Variants in KALRN observed in about 807,000 individuals in gnomAD.
KALRN encodes kalirin RhoGEF kinase, also known as kalirin.
KALRN carries 70 observed loss-of-function variants against 353.7 expected under a neutral mutation model. That is an observed-to-expected ratio of 0.20 (90% CI 0.16 to 0.24). The LOEUF is 0.24. Ranked by LOEUF, KALRN falls within the 10% of genes least tolerant of loss-of-function variation. The pLI is 1.00. For synonymous variants in KALRN, 1,391 were observed against 1,434.8 expected (o/e 0.97, Z 0.69); for missense variants, 2,791 against 3,756.7 (o/e 0.74, Z 6.72).
intron 5 of KALRN, among the ~76,000 whole-genome samples, chr3:124,283,113 G>C (rs1364025296): frequency 6.6e-6 from 1 of 152,224 alleles, no homozygotes; most frequent in Admixed American, 6.5e-5. Context: ...GTGGAGCTTT[G>C]TTCCCAGATG....
chr3:124,422,729 C>T lies in KALRN; in HGVS notation c.2543-83C>T, dbSNP rs796965705. On this transcript the variant is annotated intron_variant, in intron 14 of 59. Transcript: ENST00000682506. Reference sequence around the variant, plus strand: ...TATGAATAATGGCTGTTTCCAAATTCCAGTTTTCTTATGCATATTGAAGGG... The same window carrying T: ...TATGAATAATGGCTGTTTCCAAATTTCAGTTTTCTTATGCATATTGAAGGG... The T allele has an allele frequency of 5.2e-6, 6 of 1,149,878 alleles. 1 individual carries two copies. In the African/African-American group the frequency reaches 9.2e-5, roughly 18 times the overall value. 71.2% of individuals were successfully genotyped at this position (1,149,878 alleles called of 1,614,324 possible). A position where few individuals can be genotyped will look rare whatever the true frequency, so the allele number is the denominator to read the frequency against.
In KALRN at chr3:124,661,892, T is replaced by C. The variant is rs746851048; in HGVS notation, c.6309T>C (p.Asn2103=). The C allele has an allele frequency of 6.2e-7, 1 of 1,614,050 alleles. No homozygotes were observed. The highest frequency in any genetic ancestry group is 1.3e-5 in the African/African-American group (1 of 74,936). ...ELMCLVPKRC[N]DMMNLGRLQG... ...TGTGCCTTGTTCCCAAACGCTGCAA[T>C]GACATGATGAATCTAGGACGTCTGC... The change falls in exon 45 of 60, where the codon AAT becomes AAC. Residue 2103 remains asparagine (N), a synonymous_variant. Transcript: ENST00000682506.
At chr3:124,526,871 C>T (rs144345254) in intron 33 of KALRN, among the ~76,000 whole-genome samples, 20 of 152,248 alleles carry the variant, frequency 1.3e-4, no homozygotes, top group Admixed American at 3.9e-4. Flanking sequence ...TCAAGAAGTA[C>T]TGGGTATCCA....
chr3:124,194,973 G>C (rs1397048396), intron 1 of KALRN, among the ~76,000 whole-genome samples: 1 of 152,164 alleles, frequency 6.6e-6, no homozygotes, highest in Admixed American at 6.5e-5. Flanking sequence ...GTAGGTATAG[G>C]GGGGATGGGA....
chr3:124,325,176 G>T (rs899384568), intron 6 of KALRN, among the ~76,000 whole-genome samples: 18 of 152,206 alleles, frequency 1.2e-4, no homozygotes, highest in African/African-American at 4.3e-4. Flanking sequence ...AGATGGGAAT[G>T]AATGTAAACA....
chr3:124,115,362 G>A (rs2063358075), intron 1 of KALRN, among the ~76,000 whole-genome samples: 1 of 152,160 alleles, frequency 6.6e-6, no homozygotes, highest in African/African-American at 2.4e-5. Flanking sequence ...TTTGGCTGAG[G>A]TCACTTAGCA....
At chr3:124,205,764 A>G (rs2076358806) in intron 1 of KALRN, among the ~76,000 whole-genome samples, 2 of 152,218 alleles carry the variant, frequency 1.3e-5, no homozygotes, top group Admixed American at 1.3e-4. Flanking sequence ...TCTAAAATTT[A>G]CCTGATACTT....
At position 124,268,889 on chromosome 3, in the gene KALRN, C is replaced by T. The variant is rs1342501689; in HGVS notation, c.603C>T (p.His201=). The change falls in exon 5 of 60, where the codon CAC becomes CAT. Residue 201 remains histidine, a synonymous_variant. Transcript: ENST00000682506. The part of the protein sequence containing the change: ...SLEEFFNSAV[H]LLSRLEDLQE... ...AGGAGTTCTTCAACAGCGCCGTGCACCTGCTCTCGCGCCTCGAGGACCTCC... is the reference window on the plus strand; with the variant it reads ...AGGAGTTCTTCAACAGCGCCGTGCATCTGCTCTCGCGCCTCGAGGACCTCC... The T allele has an allele frequency of 6.2e-7, 1 of 1,614,096 alleles. No individual in the cohort carries two copies. The highest frequency in any genetic ancestry group is 8.5e-7 in the Non-Finnish European group (1 of 1,180,008).
intron 1 of KALRN, among the ~76,000 whole-genome samples, chr3:124,146,534 A>G (rs531666601): frequency 2.0e-5 from 3 of 152,112 alleles, no homozygotes; most frequent in Non-Finnish European, 4.4e-5. Flanking sequence ...CTGGCAGGCT[A>G]GAGAGGTACT....
At chr3:124,238,236 A>T (rs999056790) in intron 3 of KALRN, among the ~76,000 whole-genome samples, 4 of 126,636 alleles carry the variant, frequency 3.2e-5, no homozygotes, top group African/African-American at 1.5e-4. Flanking sequence ...GAAGATGAAG[A>T]AAAAAAAACA....
In KALRN at chr3:124,398,689, T is replaced by A; in HGVS notation, c.2172-8T>A. ...CTCCCTCCCTTTTTTCTCCCCACTC[T>A]GCCACAGGGACTCGGCTGTGTCCAA... On this transcript the variant is annotated splice_polypyrimidine_tract_variant and splice_region_variant and intron_variant, in intron 12 of 59. Coordinates refer to ENST00000682506, the MANE Select transcript of KALRN (RefSeq NM_001388419.1). 6.2e-7 allele frequency: 1 copy of A among 1,614,104 alleles called. No individual in the cohort carries two copies.
chr3:124,260,101 C>T (rs1166272793), intron 3 of KALRN, among the ~76,000 whole-genome samples: 5 of 152,292 alleles, frequency 3.3e-5, no homozygotes, highest in South Asian at 2.1e-4. Context: ...ACTCCAGTCT[C>T]GTCTCTTGCA....
intron 33 of KALRN, among the ~76,000 whole-genome samples, chr3:124,513,906 T>C (rs138460451): frequency 6.6e-5 from 10 of 152,128 alleles, no homozygotes; most frequent in African/African-American, 1.9e-4. Flanking sequence ...AACCTCCTTA[T>C]AGAATTTGGG....
At chr3:124,116,614 C>A (rs543624304) in intron 1 of KALRN, among the ~76,000 whole-genome samples, 1 of 152,142 alleles carries the variant, frequency 6.6e-6, no homozygotes, top group Non-Finnish European at 1.5e-5. Context: ...GAGGGGGATA[C>A]GTTCCAAGAT....
chr3:124,098,153 A>G lies in KALRN; in HGVS notation c.73+64340A>G, dbSNP rs73857596. 9.5e-3 allele frequency among the ~76,000 whole-genome samples: 1,443 copies of G among 152,334 alleles called. 23 individuals carry two copies. Among genetic ancestry groups the G allele is most frequent in the African/African-American group, 0.033 (1,363 of 41,566 alleles). On this transcript the variant is annotated intron_variant, in intron 1 of 59. Coordinates refer to ENST00000682506, the MANE Select transcript of KALRN (RefSeq NM_001388419.1). ...TGAAAGACTGCTGCTCTTTATTCAC[A>G]GAGCATCAGGCAGTGTTTCCCAGCA... is the stretch of plus-strand genomic sequence containing the variant.
intron 1 of KALRN, among the ~76,000 whole-genome samples, chr3:124,034,254 C>T (rs2039191304): frequency 6.6e-6 from 1 of 152,156 alleles, no homozygotes. Flanking sequence ...GTCGGGGGCC[C>T]GGGGCCCTGA....
At chr3:124,312,455 C>G (rs1298718958) in intron 6 of KALRN, among the ~76,000 whole-genome samples, 1 of 152,122 alleles carries the variant, frequency 6.6e-6, no homozygotes, top group Non-Finnish European at 1.5e-5. Flanking sequence ...GCCACTGCGC[C>G]CAGTCTGAAT....
rs565819921 is a variant in KALRN, at chr3:124,717,440, A to C, written c.8415+55A>C. 12 of 1,380,106 alleles carry C rather than the reference A, an allele frequency of 8.7e-6. No homozygotes were observed. In the African/African-American group the frequency reaches 1.6e-4, roughly 18 times the overall value. 85.5% of individuals were successfully genotyped at this position (1,380,106 alleles called of 1,614,324 possible). A position where few individuals can be genotyped will look rare whatever the true frequency, so the allele number is the denominator to read the frequency against. ...AGTGGCTCACGCCTGAAATCCCAGCACTTTGGGAGGCCAAGGTGGGCGGAT... is the reference window on the plus strand; with the variant it reads ...AGTGGCTCACGCCTGAAATCCCAGCCCTTTGGGAGGCCAAGGTGGGCGGAT... On this transcript the variant is annotated intron_variant, in intron 59 of 59. Transcript: ENST00000682506.
In KALRN at chr3:124,596,185, GAA is replaced by G. The variant is rs5852417; in HGVS notation, c.5182+33110_5182+33111del. Among the ~76,000 whole-genome samples the G allele has an allele frequency of 5.2e-3, 711 of 136,146 alleles. 8 individuals carry two copies. Among genetic ancestry groups the G allele is most frequent in the African/African-American group, 0.018 (661 of 36,766 alleles). The allele number at this position is 136,146 out of a possible 152,430, so 89.3% of individuals were successfully genotyped here. On this transcript the variant is annotated intron_variant, in intron 34 of 59. Coordinates refer to ENST00000682506, the MANE Select transcript of KALRN (RefSeq NM_001388419.1). Reference sequence around the variant, plus strand: ...TTCAAAACAATAGCTCCATCTTAAAGAAAAAAAAAAAAAAAGGACCAGGTGCA... The same window carrying G: ...TTCAAAACAATAGCTCCATCTTAAAGAAAAAAAAAAAAAGGACCAGGTGCA...
Sources: gnomAD v4.1 joint callset for allele counts (sites outside exome capture counted in the v4.1 genomes callset) on GRCh38, gnomAD v4.1.1 for gene constraint, MANE v1.5 for transcripts, NCBI Gene and HGNC (gene_info 2026-07-23, HGNC 2026-07-21) for gene names.